Variants in ATP6V0A4 observed in about 807,000 individuals in gnomAD.
The protein encoded by ATP6V0A4 is ATPase H+ transporting V0 subunit a4.
A neutral mutation model predicts 107.3 loss-of-function variants in ATP6V0A4; 86 were observed. The ratio of observed to expected loss-of-function variants is 0.80; its 90% CI spans 0.67 to 0.96. The LOEUF (loss-of-function observed/expected upper bound fraction) is 0.96. Among genes scored for constraint, ATP6V0A4 ranks in the 40% least tolerant of loss-of-function variants. The pLI is 0.00. For synonymous variants in ATP6V0A4, 353 were observed against 381.4 expected (o/e 0.93, Z 0.87); for missense variants, 908 against 1,045.6 (o/e 0.87, Z 1.81).
chr7:138,763,732 C>T (rs1288385610), intron 5 of ATP6V0A4, among the ~76,000 whole-genome samples: 2 of 151,888 alleles, frequency 1.3e-5, no homozygotes, highest in African/African-American at 4.8e-5. Flanking sequence ...ATCCTGTAAT[C>T]CCAGCACTTT....
intron 2 of ATP6V0A4, 89 bp from the exon 3 acceptor site, chr7:138,771,353 T>C: frequency 7.0e-7 from 1 of 1,421,246 alleles, no homozygotes; most frequent in Non-Finnish European, 9.5e-7. Flanking sequence ...AATTAAAATC[T>C]AACAGGGAAA....
intron 8 of ATP6V0A4, among the ~76,000 whole-genome samples, chr7:138,758,906 A>G (rs1337362102): frequency 2.0e-5 from 3 of 149,122 alleles, no homozygotes; most frequent in Non-Finnish European, 4.4e-5. Context: ...GTGCGCCACC[A>G]CTCCTGGCTA....
intron 5 of ATP6V0A4, among the ~76,000 whole-genome samples, chr7:138,766,634 A>T (rs1807108096): frequency 6.6e-6 from 1 of 152,158 alleles, no homozygotes; most frequent in Admixed American, 6.5e-5. Context: ...CTCAAATTTT[A>T]GCTCCCCCCA....
At chr7:138,707,343 AT>A (rs1803485957) in intron 21 of ATP6V0A4, among the ~76,000 whole-genome samples, 1 of 108,484 alleles carries the variant, frequency 9.2e-6, no homozygotes, top group East Asian at 2.2e-4. Context: ...TATAATATAT[AT>A]ATTATAATAT....
chr7:138,725,241 G>A (rs993553824), intron 18 of ATP6V0A4, among the ~76,000 whole-genome samples: 1 of 152,114 alleles, frequency 6.6e-6, no homozygotes. Flanking sequence ...TCCAATCTGG[G>A]CAACAGAGCA....
chr7:138,718,465 G>GT (rs1562980711), intron 19 of ATP6V0A4, among the ~76,000 whole-genome samples: 2 of 108,468 alleles, frequency 1.8e-5, no homozygotes, highest in African/African-American at 7.6e-5. Context: ...GAAGGAATGG[G>GT]GGGGATGGCG....
chr7:138,760,069 C>T, intron 7 of ATP6V0A4, 191 bp from the exon 8 acceptor site: 1 of 356,300 alleles, frequency 2.8e-6, no homozygotes. Flanking sequence ...GCCCCAAGTC[C>T]CTTTGACCTT....
chr7:138,791,400 A>G (rs928936456), intron 1 of ATP6V0A4, among the ~76,000 whole-genome samples: 1 of 152,226 alleles, frequency 6.6e-6, no homozygotes, highest in African/African-American at 2.4e-5. Context: ...AAGAGAGGAG[A>G]GAATGGTTCA....
chr7:138,769,382 T>G, intron 3 of ATP6V0A4, 131 bp from the exon 4 acceptor site: 1 of 1,395,254 alleles, frequency 7.2e-7, no homozygotes, highest in Non-Finnish European at 9.5e-7. Flanking sequence ...TGGCGCGATC[T>G]CAGCTCACTG....
intron 5 of ATP6V0A4, among the ~76,000 whole-genome samples, chr7:138,767,582 T>C (rs1234916175): frequency 1.3e-5 from 2 of 151,612 alleles, no homozygotes; most frequent in Non-Finnish European, 2.9e-5. Context: ...AATATTTCTA[T>C]GTGAGTATCA....
intron 21 of ATP6V0A4, 29 bp downstream of exon 21, chr7:138,709,595 T>C (rs989476198): frequency 6.2e-7 from 1 of 1,603,878 alleles, no homozygotes; most frequent in Non-Finnish European, 8.5e-7. Flanking sequence ...CAACACCACA[T>C]TGAGCTTCCA....
rs143883618 is a variant in ATP6V0A4, at chr7:138,732,937, G to A, written c.1848C>T (p.Phe616=). 1,349 of 1,613,546 alleles carry A rather than the reference G, an allele frequency of 8.4e-4. 20 individuals carry two copies. In the African/African-American group the frequency reaches 0.016, roughly 19 times the overall value. The change falls in exon 17 of 22, where the codon TTC becomes TTT. Residue 616 remains phenylalanine, a synonymous_variant. Transcript: ENST00000310018. The part of the protein sequence containing the change: ...SQHAPSILIH[F]INMFLFNYSD... ...TGTAGTTAAACAGAAACATGTTGAT[G>A]AAGTGGATGAGGATGCTGGGGGCGT...
intron 15 of ATP6V0A4, among the ~76,000 whole-genome samples, chr7:138,735,443 A>G (rs557070540): frequency 6.6e-6 from 1 of 152,174 alleles, no homozygotes; most frequent in African/African-American, 2.4e-5. Flanking sequence ...TAAGGGGCCA[A>G]CATCCAACCA....
chr7:138,718,866 A>G (rs1804290657), intron 19 of ATP6V0A4, among the ~76,000 whole-genome samples: 1 of 152,122 alleles, frequency 6.6e-6, no homozygotes, highest in African/African-American at 2.4e-5. Context: ...AGAAAGAGTC[A>G]AGGTAAAGAA....
chr7:138,707,201 T>TAATATAG (rs1562972579), intron 21 of ATP6V0A4, among the ~76,000 whole-genome samples: 1 of 79,870 alleles, frequency 1.3e-5, no homozygotes, highest in African/African-American at 5.7e-5. Flanking sequence ...ATATATTATA[T>TAATATAG]AATATATTAT....
chr7:138,769,513 C>T (rs1365246182), intron 3 of ATP6V0A4, among the ~76,000 whole-genome samples: 1 of 152,048 alleles, frequency 6.6e-6, no homozygotes, highest in African/African-American at 2.4e-5. Context: ...TGGGGTTTCA[C>T]CATGTTGGCC....
Position 138,747,672 on chromosome 7 carries a change from T to C in ATP6V0A4, c.1181-108A>G, listed in dbSNP as rs982606492. 5.3e-6 allele frequency: 8 copies of C among 1,512,296 alleles called. No homozygotes were observed. The East Asian group carries it at 1.2e-4, about 23-fold the overall frequency. 93.7% of individuals were successfully genotyped at this position (1,512,296 alleles called of 1,614,324 possible). On this transcript the variant is annotated intron_variant, in intron 12 of 21. Coordinates refer to ENST00000310018, the MANE Select transcript of ATP6V0A4 (RefSeq NM_020632.3). ...ATTTGCATGCGGGTTTCCTTAAGCC[T>C]TTCTGGTTGTCTTTTCTCACCATCC...
intron 10 of ATP6V0A4, among the ~76,000 whole-genome samples, chr7:138,753,133 C>CT (rs1806319387): frequency 6.6e-6 from 1 of 152,158 alleles, no homozygotes; most frequent in Non-Finnish European, 1.5e-5. Flanking sequence ...TGAATATGGC[C>CT]TTTTTGGAAA....
chr7:138,795,913 C>T (rs1169181179), intron 1 of ATP6V0A4, among the ~76,000 whole-genome samples: 2 of 152,136 alleles, frequency 1.3e-5, no homozygotes, highest in East Asian at 1.9e-4. Context: ...CCTCGGCCTC[C>T]CAAAGTGTTG....
Sources: gnomAD v4.1 joint callset for allele counts (sites outside exome capture counted in the v4.1 genomes callset) on GRCh38, gnomAD v4.1.1 for gene constraint, MANE v1.5 for transcripts, NCBI Gene and HGNC (gene_info 2026-07-23, HGNC 2026-07-21) for gene names.